DMC1: variants seen among roughly 807,000 people sequenced by gnomAD.
DMC1 encodes meiotic recombination protein DMC1 homolog.
DMC1 carries 27 observed loss-of-function variants against 50.1 expected under a neutral mutation model. That is an observed-to-expected ratio of 0.54 (90% CI 0.40 to 0.74). DMC1 has a LOEUF of 0.74. Among genes scored for constraint, DMC1 ranks in the 30% least tolerant of loss-of-function variants. The pLI is 0.00. For missense variants in DMC1, 295 were observed against 420.2 expected (o/e 0.70, Z 2.60); for synonymous variants, 148 against 136.1 (o/e 1.09, Z -0.61).
At position 38,537,657 on chromosome 22, in the gene DMC1, A is replaced by G. The variant is rs1331091563; in HGVS notation, c.776-5T>C. The stretch of plus-strand genomic sequence containing the variant: ...CAAAAACAGCCACGTTATATTCTGC[A>G]TCAAGAGATAAAATTTTAAAACTAT... On this transcript the variant is annotated splice_region_variant and splice_polypyrimidine_tract_variant and intron_variant, in intron 11 of 13. Transcript: ENST00000216024. 1 of 1,612,860 alleles carries G rather than the reference A, an allele frequency of 6.2e-7. No individual in the cohort carries two copies. The highest frequency in any genetic ancestry group is 8.5e-7 in the Non-Finnish European group (1 of 1,178,906).
intron 8 of DMC1, among the ~76,000 whole-genome samples, chr22:38,543,229 TG>T (rs965979401): frequency 1.3e-5 from 2 of 150,924 alleles, no homozygotes; most frequent in Non-Finnish European, 3.0e-5. Context: ...GCCTGTAAAT[TG>T]TTTTTTTTTT....
chr22:38,515,097 A>C (rs1010338284), downstream of DMC1, among the ~76,000 whole-genome samples: 5 of 148,702 alleles, frequency 3.4e-5, no homozygotes, highest in African/African-American at 9.9e-5. Flanking sequence ...TGAACTCCTA[A>C]CCTCGTGATC....
At chr22:38,562,232 A>T (rs2090534865) in intron 5 of DMC1, 55 bp downstream of exon 5, 2 of 1,151,864 alleles carry the variant, frequency 1.7e-6, no homozygotes, top group South Asian at 2.5e-5. Context: ...AGAGGAAAAG[A>T]AACATGGTAT....
At chr22:38,564,299 C>G (rs1175675767) in intron 4 of DMC1, among the ~76,000 whole-genome samples, 1 of 152,056 alleles carries the variant, frequency 6.6e-6, no homozygotes, top group Non-Finnish European at 1.5e-5. Flanking sequence ...AGTGAGATAC[C>G]CTTCTCTCTC....
At chr22:38,510,927 G>T in the DMC1 span, among the ~76,000 whole-genome samples, 1 of 152,186 alleles carries the variant, frequency 6.6e-6, no homozygotes, top group Non-Finnish European at 1.5e-5. Context: ...GTAGCTGAAA[G>T]CATTCTAACT....
At chr22:38,538,137 C>A (rs537722960) in intron 11 of DMC1, among the ~76,000 whole-genome samples, 158 bp downstream of exon 11, 1 of 151,782 alleles carries the variant, frequency 6.6e-6, no homozygotes, top group Non-Finnish European at 1.5e-5. Flanking sequence ...GAGCGAGATA[C>A]CATCTCAAAA....
Position 38,539,291 on chromosome 22 carries a change from C to T in DMC1, c.586+30G>A, listed in dbSNP as rs780692473. The T allele has an allele frequency of 9.1e-6, 14 of 1,534,570 alleles. No homozygotes were observed. In the Admixed American group the frequency reaches 2.2e-4, roughly 24 times the overall value. On this transcript the variant is annotated intron_variant, in intron 9 of 13. Coordinates refer to ENST00000216024, the MANE Select transcript of DMC1 (RefSeq NM_007068.4). ...ATCAGTGCTGCCAACCTTACATTGA[C>T]CCAAGCATCCAACTGCATGGGGCTC...
chr22:38,565,429 GCAATGACC>G (rs2090571560), intron 4 of DMC1, among the ~76,000 whole-genome samples: 1 of 152,194 alleles, frequency 6.6e-6, no homozygotes, highest in Admixed American at 6.5e-5. Flanking sequence ...CCTTTCCATT[GCAATGACC>G]CAATGACCCA....
At chr22:38,521,532 C>A in intron 13 of DMC1, 76 bp downstream of exon 13, 1 of 990,454 alleles carries the variant, frequency 1.0e-6, no homozygotes, top group Non-Finnish European at 1.5e-6. Flanking sequence ...GGCAAAACCC[C>A]GTCTCTACAC....
rs768676606 is a variant in DMC1 at position 38,553,648 on chromosome 22, AC to A, written c.380-942del. ...AGACCAGCCTGGCAAACATGGTGAAACCCCATCTCTACCAAAAATACAACAA... is the reference window on the plus strand; with the variant it reads ...AGACCAGCCTGGCAAACATGGTGAAACCCATCTCTACCAAAAATACAACAA... On this transcript the variant is annotated intron_variant, in intron 6 of 13. Coordinates refer to ENST00000216024, the MANE Select transcript of DMC1 (RefSeq NM_007068.4). Among the ~76,000 whole-genome samples, 89 of 151,602 alleles carry A rather than the reference AC, an allele frequency of 5.9e-4. 1 individual carries two copies. In the Middle Eastern group the frequency reaches 0.01, roughly 18 times the overall value.
intron 11 of DMC1, among the ~76,000 whole-genome samples, chr22:38,538,073 G>A (rs2090235300): frequency 1.3e-5 from 2 of 152,042 alleles, no homozygotes; most frequent in African/African-American, 4.8e-5. Context: ...GAACCTGGGA[G>A]GCGGAGGTTG....
chr22:38,520,007 A>G lies in DMC1; in HGVS notation c.*13T>C, dbSNP rs751409412. On this transcript the variant is annotated 3_prime_UTR_variant, in exon 14 of 14. Transcript: ENST00000216024. ...TAATAAGCACTAAGAAGCAATTTGC[A>G]TCAATTCACCACCTACTCCTTGGCA... 9 of 1,612,104 alleles carry G rather than the reference A, an allele frequency of 5.6e-6. No individual in the cohort carries two copies. Among genetic ancestry groups the G allele is most frequent in the Non-Finnish European group, 7.6e-6 (9 of 1,178,408 alleles).
chr22:38,551,247 CAA>C (rs976708263), intron 7 of DMC1, among the ~76,000 whole-genome samples: 1 of 137,408 alleles, frequency 7.3e-6, no homozygotes, highest in Non-Finnish European at 1.6e-5. Context: ...GACTCCGTCT[CAA>C]AAAAAAAAAG....
intron 5 of DMC1, among the ~76,000 whole-genome samples, chr22:38,557,956 C>CTTTGTTTTTTTTTTTTTTTTTT (rs2090484703): frequency 1.6e-5 from 1 of 62,714 alleles, no homozygotes; most frequent in African/African-American, 6.2e-5. Flanking sequence ...AGACAAAGTT[C>CTTTGTTTTTTTTTTTTTTTTTT]TTTTTTTTTT....
chr22:38,567,691 T>C, intron 2 of DMC1, 64 bp from the exon 3 acceptor site: 1 of 1,250,046 alleles, frequency 8.0e-7, no homozygotes, highest in Non-Finnish European at 1.2e-6. Flanking sequence ...TTCACATCTT[T>C]TAAAGAGGTA....
chr22:38,540,486 G>A (rs1021722840), intron 8 of DMC1, among the ~76,000 whole-genome samples: 4 of 152,100 alleles, frequency 2.6e-5, no homozygotes, highest in African/African-American at 9.7e-5. Flanking sequence ...TAGGTCTTTG[G>A]TGATCCCAAC....
In DMC1 at chr22:38,539,328, T is replaced by C. The variant is rs1351189349; in HGVS notation, c.579A>G (p.Ala193=). ...AVLDNVLYAR[A]YTSEHQMELL... ...ACTGCATGGGGCTCTTACTAGTATA[T>C]GCACGTGCATAAAGTACGTTGTCCA... Residue 193 remains alanine, a synonymous_variant, in exon 9 of 14, where the codon GCA becomes GCG. Transcript: ENST00000216024. 3 of 1,613,316 alleles carry C rather than the reference T, an allele frequency of 1.9e-6. No individual in the cohort carries two copies. The highest frequency in any genetic ancestry group is 1.1e-5 in the South Asian group (1 of 91,076).
the DMC1 span, among the ~76,000 whole-genome samples, chr22:38,509,192 T>C: frequency 2.0e-5 from 3 of 152,144 alleles, no homozygotes; most frequent in African/African-American, 4.8e-5. Context: ...CTGGGGTACA[T>C]GTTCAGGATA....
the DMC1 span, among the ~76,000 whole-genome samples, chr22:38,511,463 C>T: frequency 6.6e-6 from 1 of 151,778 alleles, no homozygotes. Flanking sequence ...TGTGTGGTTC[C>T]AGATACTTTC....
Sources: gnomAD v4.1 joint callset for allele counts (sites outside exome capture counted in the v4.1 genomes callset) on GRCh38, gnomAD v4.1.1 for gene constraint, MANE v1.5 for transcripts, NCBI Gene and HGNC (gene_info 2026-07-23, HGNC 2026-07-21) for gene names.